The following LINGO2 variants were observed in gnomAD, a reference collection of about 807,000 sequenced individuals.
LINGO2 encodes leucine-rich repeat and immunoglobulin-like domain-containing nogo receptor-interacting protein 2.
In LINGO2, 14 loss-of-function variants were observed where a neutral mutation model predicts 30.6. The observed-to-expected ratio is 0.46, with a 90% CI of 0.30 to 0.72. The LOEUF is 0.72. Among genes scored for constraint, LINGO2 ranks in the 30% least tolerant of loss-of-function variants. The pLI is 0.07. For synonymous variants in LINGO2, 317 were observed against 288.5 expected, an observed-to-expected ratio of 1.10 and a Z score of -1.00; for missense variants, 729 against 751.7, an observed-to-expected ratio of 0.97 and a Z score of 0.35.
At chr9:28,698,840 A>C in the LINGO2 span, among the ~76,000 whole-genome samples, 2 of 151,970 alleles carry the variant, frequency 1.3e-5, no homozygotes, top group Non-Finnish European at 2.9e-5. Flanking sequence ...CCCAGAGTTC[A>C]AGACCAACTT....
At chr9:28,970,780 G>A in the LINGO2 span, among the ~76,000 whole-genome samples, 1 of 152,168 alleles carries the variant, frequency 6.6e-6, no homozygotes, top group South Asian at 2.1e-4. Context: ...ATGGATCTCT[G>A]AGTAAACTTG....
chr9:29,176,888 T>G, the LINGO2 span, among the ~76,000 whole-genome samples: 1 of 152,162 alleles, frequency 6.6e-6, no homozygotes, highest in Non-Finnish European at 1.5e-5. Context: ...GAAGACAAAA[T>G]TTATCATTTG....
At chr9:28,238,151 AAG>A (rs34878831) in intron 4 of LINGO2, among the ~76,000 whole-genome samples, 16 of 150,002 alleles carry the variant, frequency 1.1e-4, no homozygotes, top group African/African-American at 1.2e-4. Context: ...ATTAGAACTA[AAG>A]AGAGAGAGAG....
chr9:28,833,959 A>G, the LINGO2 span, among the ~76,000 whole-genome samples: 44 of 150,998 alleles, frequency 2.9e-4, no homozygotes, highest in African/African-American at 1.0e-3. Context: ...TTTATGGTTC[A>G]TTTTACACTT....
chr9:28,111,530 T>G (rs986096836), intron 4 of LINGO2, among the ~76,000 whole-genome samples: 2 of 152,144 alleles, frequency 1.3e-5, no homozygotes, highest in Admixed American at 6.5e-5. Flanking sequence ...TTTTGTTGAC[T>G]TATAATCATG....
At chr9:28,208,829 A>T (rs545905242) in intron 4 of LINGO2, among the ~76,000 whole-genome samples, 11 of 152,166 alleles carry the variant, frequency 7.2e-5, no homozygotes, top group African/African-American at 2.6e-4. Flanking sequence ...CACATGCTTC[A>T]TCTTCTGCAG....
intron 4 of LINGO2, among the ~76,000 whole-genome samples, chr9:28,178,669 A>T (rs1828815685): frequency 6.6e-6 from 1 of 152,152 alleles, no homozygotes; most frequent in Non-Finnish European, 1.5e-5. Flanking sequence ...GTTTCTTTAG[A>T]CTGTGCATTT....
chr9:29,034,343 T>C, the LINGO2 span, among the ~76,000 whole-genome samples: 4 of 152,260 alleles, frequency 2.6e-5, no homozygotes, highest in East Asian at 7.7e-4. Context: ...TTATATGGCA[T>C]AAATATTCAG....
chr9:28,210,478 A>G (rs540644367), intron 4 of LINGO2, among the ~76,000 whole-genome samples: 1 of 151,894 alleles, frequency 6.6e-6, no homozygotes, highest in East Asian at 1.9e-4. Flanking sequence ...GATGCTGTTC[A>G]TATGAACTAA....
intron 2 of LINGO2, among the ~76,000 whole-genome samples, chr9:28,402,927 A>G (rs1587620216): frequency 1.3e-5 from 2 of 152,170 alleles, no homozygotes; most frequent in South Asian, 2.1e-4. Context: ...GCAAAATCAC[A>G]TCGGGTCTCT....
the LINGO2 span, among the ~76,000 whole-genome samples, chr9:28,974,618 G>T: frequency 6.6e-6 from 1 of 152,084 alleles, no homozygotes. Flanking sequence ...AATATACAAT[G>T]AATCCATAAA....
At chr9:28,326,556 T>C (rs1383843181) in intron 3 of LINGO2, among the ~76,000 whole-genome samples, 1 of 152,222 alleles carries the variant, frequency 6.6e-6, no homozygotes, top group Non-Finnish European at 1.5e-5. Context: ...GTTGTTCACC[T>C]GTCTATTACC....
intron 5 of LINGO2, among the ~76,000 whole-genome samples, chr9:27,991,497 T>C (rs1460899261): frequency 3.9e-5 from 6 of 152,046 alleles, no homozygotes. Context: ...ACAATTAGCA[T>C]AGCTCTCTCA....
chr9:29,067,745 G>GTTTTT, the LINGO2 span, among the ~76,000 whole-genome samples: 12 of 129,654 alleles, frequency 9.3e-5, no homozygotes, highest in African/African-American at 2.6e-4. Flanking sequence ...AAAACAAGGA[G>GTTTTT]TATTTAAATG....
the LINGO2 span, among the ~76,000 whole-genome samples, chr9:28,811,486 C>T: frequency 1.3e-5 from 2 of 152,036 alleles, no homozygotes; most frequent in African/African-American, 2.4e-5. Flanking sequence ...GGAAGTGAAC[C>T]CAAACCTCTA....
the LINGO2 span, among the ~76,000 whole-genome samples, chr9:29,017,603 C>A: frequency 6.6e-6 from 1 of 152,072 alleles, no homozygotes; most frequent in Non-Finnish European, 1.5e-5. Flanking sequence ...GCAAGCCAAT[C>A]ATTTAAGAAA....
intron 2 of LINGO2, among the ~76,000 whole-genome samples, chr9:28,431,817 A>C (rs2134955084): frequency 6.6e-6 from 1 of 152,316 alleles, no homozygotes; most frequent in East Asian, 1.9e-4. Flanking sequence ...AGTGAATTCC[A>C]ATTTAGGCTG....
intron 5 of LINGO2, among the ~76,000 whole-genome samples, chr9:28,002,718 A>G (rs969888663): frequency 3.9e-5 from 6 of 152,242 alleles, no homozygotes; most frequent in South Asian, 4.2e-4. Context: ...TCATTTCATC[A>G]TAACATTGAT....
intron 2 of LINGO2, among the ~76,000 whole-genome samples, chr9:28,380,850 AG>A (rs1286072322): frequency 1.3e-5 from 2 of 152,230 alleles, no homozygotes; most frequent in East Asian, 3.9e-4. Flanking sequence ...AGAGAGAAGC[AG>A]ACATGAATGT....
Sources: allele counts gnomAD v4.1 joint callset (sites outside exome capture counted in the v4.1 genomes callset), GRCh38; gene constraint gnomAD v4.1.1; transcripts MANE v1.5; gene names NCBI Gene and HGNC (gene_info 2026-07-23, HGNC 2026-07-21).